Variants in SYNPO2 observed in about 807,000 individuals in gnomAD.
SYNPO2 encodes the protein synaptopodin-2.
Under a neutral mutation model 85.0 loss-of-function variants are expected in SYNPO2, and 56 were observed. The observed-to-expected ratio is 0.66, with a 90% confidence interval of 0.53 to 0.82. SYNPO2 has a LOEUF of 0.82. SYNPO2 is among the 40% of genes least tolerant of loss of function. SYNPO2 has a pLI of 0.00. For synonymous variants in SYNPO2, 602 were observed against 591.1 expected (o/e 1.02, Z -0.27); for missense variants, 1,575 against 1,534.2 (o/e 1.03, Z -0.44).
intron 1 of SYNPO2, among the ~76,000 whole-genome samples, chr4:118,879,620 A>G (rs1448862257): frequency 1.3e-5 from 2 of 152,098 alleles, no homozygotes; most frequent in African/African-American, 4.8e-5. Context: ...TGGGAAACAC[A>G]TTTTTGTGGT....
At chr4:119,045,984 A>G (rs1303791604) in intron 4 of SYNPO2, among the ~76,000 whole-genome samples, 6 of 152,138 alleles carry the variant, frequency 3.9e-5, no homozygotes, top group Admixed American at 3.9e-4. Flanking sequence ...CTATAGCTTT[A>G]CTTCTCCAAC....
intron 4 of SYNPO2, among the ~76,000 whole-genome samples, chr4:119,044,611 A>G (rs1738820158): frequency 6.6e-6 from 1 of 152,030 alleles, no homozygotes; most frequent in South Asian, 2.1e-4. Flanking sequence ...GCTCACTGCA[A>G]CCTCCACCTC....
upstream of SYNPO2, among the ~76,000 whole-genome samples, chr4:118,886,120 T>C (rs1399185816): frequency 6.6e-6 from 1 of 152,094 alleles, no homozygotes; most frequent in Non-Finnish European, 1.5e-5. Context: ...GGAGAAATGA[T>C]TTAAGGAGGA....
Position 118,958,959 on chromosome 4 carries a change from C to T in SYNPO2, c.106-64471C>T, listed in dbSNP as rs144383108. Among the ~76,000 whole-genome samples the T allele has an allele frequency of 5.5e-3, 842 of 152,226 alleles. 7 individuals carry two copies. The highest frequency in any genetic ancestry group is 8.8e-3 in the Non-Finnish European group (597 of 68,008). On this transcript the variant is annotated intron_variant, in intron 1 of 4. Coordinates refer to ENST00000307142, the MANE Select transcript of SYNPO2 (RefSeq NM_133477.3). ...TTACTTTGATTGAAAATGTGTTTCTCTAAGGTATCAATGTTTACATGGTAA... is the reference window on the plus strand; with the variant it reads ...TTACTTTGATTGAAAATGTGTTTCTTTAAGGTATCAATGTTTACATGGTAA...
In SYNPO2 at chr4:118,925,267, C is replaced by A. The variant is rs369512545; in HGVS notation, c.105+36126C>A. On this transcript the variant is annotated intron_variant, in intron 1 of 4. Transcript: ENST00000307142. ...AACCCAAGAAAATATAATTTTATTA[C>A]CTGGACTGACTGACATGTGAAGCCC... Among the ~76,000 whole-genome samples, 7 of 152,202 alleles carry A rather than the reference C, an allele frequency of 4.6e-5. No individual in the cohort carries two copies. In the East Asian group the frequency reaches 1.2e-3, roughly 25 times the overall value.
upstream of SYNPO2, among the ~76,000 whole-genome samples, chr4:118,887,166 A>AGTGTGTGTGT (rs71595329): frequency 0.011 from 1,531 of 139,108 alleles, 36 homozygotes; most frequent in African/African-American, 0.037. Flanking sequence ...CATCTGAGTG[A>AGTGTGTGTGT]GTGTGTGTGT....
intron 4 of SYNPO2, among the ~76,000 whole-genome samples, chr4:119,050,226 GGAGGCT>G (rs1171617815): frequency 6.6e-6 from 1 of 152,066 alleles, no homozygotes; most frequent in African/African-American, 2.4e-5. Context: ...CAGCTACTCA[GGAGGCT>G]GAGGCAGGAG....
intron 1 of SYNPO2, among the ~76,000 whole-genome samples, chr4:119,007,243 T>C (rs1210016881): frequency 4.3e-4 from 17 of 39,352 alleles, no homozygotes; most frequent in African/African-American, 1.5e-3. Context: ...TATATATATA[T>C]ATGTATATAC....
At chr4:118,890,612 T>C (rs1024667837) in intron 1 of SYNPO2, among the ~76,000 whole-genome samples, 21 of 148,180 alleles carry the variant, frequency 1.4e-4, no homozygotes, top group African/African-American at 5.0e-4. Context: ...TGGCTCTAGG[T>C]ATGAGATTTG....
chr4:118,974,113 T>C (rs747326650), intron 1 of SYNPO2, among the ~76,000 whole-genome samples: 11 of 152,256 alleles, frequency 7.2e-5, no homozygotes, highest in East Asian at 1.9e-4. Flanking sequence ...ACCTGGACAA[T>C]AATTATGTTT....
intron 1 of SYNPO2, among the ~76,000 whole-genome samples, chr4:119,005,413 A>G (rs1344281006): frequency 6.6e-6 from 1 of 151,688 alleles, no homozygotes; most frequent in Non-Finnish European, 1.5e-5. Flanking sequence ...TTTAAGGTGT[A>G]AGGAAGGGAT....
At chr4:118,859,003 T>G (rs1210904177) in intron 1 of SYNPO2, among the ~76,000 whole-genome samples, 9 of 152,216 alleles carry the variant, frequency 5.9e-5, no homozygotes, top group Admixed American at 5.9e-4. Flanking sequence ...GAACTTGGCT[T>G]TCAATGAAAT....
intron 1 of SYNPO2, among the ~76,000 whole-genome samples, chr4:118,976,463 G>A (rs567061024): frequency 1.3e-5 from 2 of 152,120 alleles, no homozygotes; most frequent in Admixed American, 1.3e-4. Flanking sequence ...CTGTGGAAGG[G>A]GACCCTAGCG....
chr4:118,917,053 A>AC (rs1416475623), intron 1 of SYNPO2, among the ~76,000 whole-genome samples: 2 of 152,134 alleles, frequency 1.3e-5, no homozygotes, highest in Non-Finnish European at 2.9e-5. Context: ...GTTTTCAAAA[A>AC]ATTTGTTTTA....
chr4:118,921,103 C>T (rs572950723), intron 1 of SYNPO2, among the ~76,000 whole-genome samples: 136 of 152,156 alleles, frequency 8.9e-4, no homozygotes, highest in Middle Eastern at 3.4e-3. Flanking sequence ...GACAGAGTCT[C>T]GCTGTGTTGT....
chr4:118,995,930 T>A (rs1736577170), intron 1 of SYNPO2, among the ~76,000 whole-genome samples: 1 of 152,178 alleles, frequency 6.6e-6, no homozygotes, highest in Admixed American at 6.5e-5. Flanking sequence ...TGCTTTTTTC[T>A]GTCTTGCCTC....
intron 1 of SYNPO2, among the ~76,000 whole-genome samples, chr4:118,917,390 T>C (rs758069297): frequency 2.6e-5 from 4 of 151,634 alleles, no homozygotes; most frequent in Non-Finnish European, 5.9e-5. Flanking sequence ...AAACTCCATC[T>C]CGAACAGAAA....
intron 1 of SYNPO2, among the ~76,000 whole-genome samples, chr4:119,011,406 C>T (rs891471872): frequency 2.0e-4 from 31 of 152,216 alleles, no homozygotes; most frequent in African/African-American, 6.5e-4. Flanking sequence ...AGAATGATGG[C>T]GAAATACAGT....
At chr4:118,994,007 A>G (rs1459850650) in intron 1 of SYNPO2, among the ~76,000 whole-genome samples, 1 of 152,222 alleles carries the variant, frequency 6.6e-6, no homozygotes, top group Non-Finnish European at 1.5e-5. Flanking sequence ...GAGCTGATTA[A>G]TAGTTCCTTT....
Sources: allele counts gnomAD v4.1 joint callset (sites outside exome capture counted in the v4.1 genomes callset), GRCh38; gene constraint gnomAD v4.1.1; transcripts MANE v1.5; gene names NCBI Gene and HGNC (gene_info 2026-07-23, HGNC 2026-07-21).